Variants in GSE1 observed in about 807,000 individuals in gnomAD.
GSE1 encodes the protein genetic suppressor element 1.
Under a neutral mutation model 112.6 loss-of-function variants are expected in GSE1, and 32 were observed. The ratio of observed to expected loss-of-function variants is 0.28; its 90% CI spans 0.21 to 0.38. The LOEUF (loss-of-function observed/expected upper bound fraction) is 0.38, where lower values mean the gene tolerates loss of function less well. Ranked by LOEUF, GSE1 falls within the 10% of genes least tolerant of loss-of-function variation. The pLI, the probability that GSE1 is intolerant of heterozygous loss-of-function variation, is 1.00. For missense variants in GSE1, 2,348 were observed against 1,699.2 expected, an observed-to-expected ratio of 1.38 and a Z score of -6.71; for synonymous variants, 1,115 against 735.6, an observed-to-expected ratio of 1.52 and a Z score of -8.35.
intron 1 of GSE1, among the ~76,000 whole-genome samples, chr16:85,174,586 G>A (rs555937667): frequency 4.6e-5 from 7 of 152,344 alleles, no homozygotes; most frequent in South Asian, 4.1e-4. Flanking sequence ...TGAGCCAGGC[G>A]CGGTTCCAGA....
chr16:85,171,249 C>G, exon 1 of GSE1: 5 of 985,692 alleles, frequency 5.1e-6, no homozygotes, highest in Non-Finnish European at 6.0e-6. Context: ...CCGCCTCCGA[C>G]CCTGCCCTCT....
chr16:85,638,061 G>T (rs537341650), intron 2 of GSE1, among the ~76,000 whole-genome samples: 4 of 152,162 alleles, frequency 2.6e-5, no homozygotes, highest in Non-Finnish European at 5.9e-5. Context: ...GGCCCCAGCC[G>T]CCTGCGGCAA....
intron 1 of GSE1, among the ~76,000 whole-genome samples, chr16:85,581,533 G>C (rs1046042555): frequency 1.1e-4 from 16 of 152,154 alleles, no homozygotes; most frequent in African/African-American, 3.9e-4. Context: ...CACAGTTGTG[G>C]GGAGAGACCC....
In GSE1 at chr16:85,634,136, A is replaced by AG. The variant is rs776050879; in HGVS notation, c.226+9dup. The AG allele has an allele frequency of 5.4e-5, 79 of 1,470,208 alleles. No individual in the cohort carries two copies. In the African/African-American group the frequency reaches 1.0e-3, roughly 19 times the overall value. The allele number at this position is 1,470,208 out of a possible 1,614,324, so 91.1% of individuals were successfully genotyped here. A position where few individuals can be genotyped will look rare whatever the true frequency, so the allele number is the denominator to read the frequency against. On this transcript the variant is annotated splice_donor_region_variant and intron_variant, in intron 2 of 15. Coordinates refer to ENST00000253458, the MANE Select transcript of GSE1 (RefSeq NM_014615.5). Reference sequence around the variant, plus strand: ...AAACAGGCGGAGGAGCCCAGAGGTAAGGGGGCCCGCCAGGCTGCGCGTGGG... The same window carrying AG: ...AAACAGGCGGAGGAGCCCAGAGGTAAGGGGGGCCCGCCAGGCTGCGCGTGGG...
chr16:85,398,747 G>T (rs2048023666), intron 2 of GSE1, among the ~76,000 whole-genome samples: 2 of 152,142 alleles, frequency 1.3e-5, no homozygotes, highest in African/African-American at 4.8e-5. Flanking sequence ...CCCAGCTCTG[G>T]GTTCCTGGGC....
chr16:85,258,075 C>G (rs1466619249), intron 1 of GSE1, among the ~76,000 whole-genome samples: 1 of 152,204 alleles, frequency 6.6e-6, no homozygotes, highest in Admixed American at 6.5e-5. Flanking sequence ...CCCCCATGGG[C>G]AAAACATTCT....
intron 1 of GSE1, among the ~76,000 whole-genome samples, chr16:85,338,368 A>G (rs1261733695): frequency 6.6e-6 from 1 of 152,220 alleles, no homozygotes; most frequent in Non-Finnish European, 1.5e-5. Context: ...GATGTCCCCC[A>G]AGGTTAACAG....
chr16:85,395,226 C>T (rs1199140522), intron 2 of GSE1, among the ~76,000 whole-genome samples: 4 of 152,012 alleles, frequency 2.6e-5, no homozygotes, highest in East Asian at 1.9e-4. Context: ...GGAATGGAAC[C>T]GAATGAACAG....
In GSE1 at chr16:85,657,585, A is replaced by G. The variant is rs373086272; in HGVS notation, c.1621A>G (p.Arg541Gly). The G allele has an allele frequency of 4.5e-6, 7 of 1,538,644 alleles. No homozygotes were observed. The highest frequency in any genetic ancestry group is 6.1e-6 in the Non-Finnish European group (7 of 1,143,970). Residue 541 changes from arginine (R) to glycine (G), a missense_variant, in exon 8 of 16, where the codon AGG becomes GGG. Physicochemically the swap from Arg to Gly is moderately radical, Grantham distance 125. Transcript: ENST00000253458. ...RPPVPAEAEH[R>G]PESTTRPGPN... The stretch of plus-strand genomic sequence containing the variant: ...CCCGGTGCCGGCGGAGGCAGAGCAC[A>G]GGCCGGAGAGCACCACCAGGTGAGT...
At chr16:85,562,101 G>A (rs1439014386) in intron 1 of GSE1, among the ~76,000 whole-genome samples, 1 of 152,232 alleles carries the variant, frequency 6.6e-6, no homozygotes, top group Non-Finnish European at 1.5e-5. Context: ...AGGCCTAATG[G>A]GATCTGACTC....
intron 2 of GSE1, among the ~76,000 whole-genome samples, chr16:85,496,938 A>G (rs963278152): frequency 6.7e-6 from 1 of 148,590 alleles, no homozygotes; most frequent in African/African-American, 2.5e-5. Context: ...TCACTCTGTC[A>G]TCCAGGCTGG....
intron 2 of GSE1, among the ~76,000 whole-genome samples, chr16:85,646,102 A>G (rs1163507014): frequency 3.1e-4 from 35 of 111,744 alleles, no homozygotes; most frequent in African/African-American, 1.6e-3. Context: ...CTTCCTATGC[A>G]TGCATTCTAC....
At chr16:85,214,722 G>A (rs2075281513) in intron 1 of GSE1, among the ~76,000 whole-genome samples, 1 of 152,226 alleles carries the variant, frequency 6.6e-6, no homozygotes, top group African/African-American at 2.4e-5. Flanking sequence ...GACCGCGTGG[G>A]GTGCAGGCGA....
chr16:85,548,674 T>C (rs1198829914), intron 2 of GSE1, among the ~76,000 whole-genome samples: 1 of 152,216 alleles, frequency 6.6e-6, no homozygotes, highest in African/African-American at 2.4e-5. Flanking sequence ...GATTCCATGT[T>C]TTGGCTGTGG....
chr16:85,352,714 G>A (rs573274309), intron 1 of GSE1, among the ~76,000 whole-genome samples: 2 of 152,322 alleles, frequency 1.3e-5, no homozygotes, highest in Admixed American at 6.5e-5. Flanking sequence ...AGATGGTGCT[G>A]AGCAGGAGAT....
At chr16:85,299,194 C>A (rs762424848) in intron 1 of GSE1, among the ~76,000 whole-genome samples, 6 of 152,206 alleles carry the variant, frequency 3.9e-5, no homozygotes, top group Non-Finnish European at 8.8e-5. Context: ...TGGGGTTGTC[C>A]TGGCAAGTCT....
At chr16:85,485,168 C>T (rs13333930) in intron 2 of GSE1, among the ~76,000 whole-genome samples, 19,562 of 152,302 alleles carry the variant, frequency 0.13, 1,624 homozygotes, top group East Asian at 0.24. Context: ...CGCCACCACA[C>T]CTCCCAAGGA....
upstream of GSE1, among the ~76,000 whole-genome samples, chr16:85,611,181 G>C (rs891127851): frequency 7.2e-5 from 11 of 152,174 alleles, no homozygotes; most frequent in African/African-American, 2.4e-4. Flanking sequence ...AGGTGGGAAA[G>C]GGGTTGGGCC....
At chr16:85,586,571 T>TGCCA (rs2046705177) in intron 1 of GSE1, among the ~76,000 whole-genome samples, 2 of 152,324 alleles carry the variant, frequency 1.3e-5, no homozygotes, top group African/African-American at 4.8e-5. Context: ...GCTGTCCCAC[T>TGCCA]GCCAGGCCGC....
Sources: allele counts gnomAD v4.1 joint callset (sites outside exome capture counted in the v4.1 genomes callset), GRCh38; gene constraint gnomAD v4.1.1; transcripts MANE v1.5; gene names NCBI Gene and HGNC (gene_info 2026-07-23, HGNC 2026-07-21).